PLCB1: variants seen among roughly 807,000 people sequenced by gnomAD.
The protein encoded by PLCB1 is phospholipase C beta 1.
A neutral mutation model predicts 161.8 loss-of-function variants in PLCB1; 46 were observed. The ratio of observed to expected loss-of-function variants is 0.28; its 90% CI spans 0.22 to 0.36. PLCB1 has a LOEUF of 0.36. Ranked by LOEUF, PLCB1 falls within the 10% of genes least tolerant of loss-of-function variation. The pLI is 1.00. For synonymous variants in PLCB1, 517 were observed against 503.7 expected (o/e 1.03, Z -0.35); for missense variants, 1,016 against 1,472.5 (o/e 0.69, Z 5.07).
intron 3 of PLCB1, among the ~76,000 whole-genome samples, chr20:8,559,612 C>T (rs6077378): frequency 0.012 from 1,803 of 151,914 alleles, 24 homozygotes; most frequent in South Asian, 0.045. Flanking sequence ...TTGAAAGTGA[C>T]GGAATGTAAA....
chr20:8,593,391 G>A (rs1987216018), intron 3 of PLCB1, among the ~76,000 whole-genome samples: 1 of 152,012 alleles, frequency 6.6e-6, no homozygotes, highest in Non-Finnish European at 1.5e-5. Context: ...ACAGGGTCTT[G>A]CTCTGTTTCC....
At chr20:8,798,418 A>G (rs916391436) in intron 31 of PLCB1, among the ~76,000 whole-genome samples, 3 of 152,164 alleles carry the variant, frequency 2.0e-5, no homozygotes, top group African/African-American at 2.4e-5. Context: ...GGCTTATGCA[A>G]TTTTGGTGGA....
chr20:8,779,133 A>G (rs1166889226), intron 27 of PLCB1, among the ~76,000 whole-genome samples: 1 of 152,116 alleles, frequency 6.6e-6, no homozygotes, highest in Admixed American at 6.6e-5. Flanking sequence ...TTAAATACCA[A>G]CGTGCTTTGG....
intron 2 of PLCB1, among the ~76,000 whole-genome samples, chr20:8,252,789 G>A (rs1308485856): frequency 6.6e-6 from 1 of 151,888 alleles, no homozygotes; most frequent in Non-Finnish European, 1.5e-5. Context: ...TGTGTATGTA[G>A]GGAACAGCAT....
intron 10 of PLCB1, among the ~76,000 whole-genome samples, chr20:8,687,392 A>C (rs1384873971): frequency 6.6e-6 from 1 of 152,142 alleles, no homozygotes; most frequent in African/African-American, 2.4e-5. Context: ...ATTTGGTTAC[A>C]TGAGTAAGTT....
chr20:8,602,199 A>G (rs1987607911), intron 3 of PLCB1, among the ~76,000 whole-genome samples: 1 of 152,178 alleles, frequency 6.6e-6, no homozygotes, highest in Non-Finnish European at 1.5e-5. Context: ...AGAAGAGTAT[A>G]TGACACCAAC....
At chr20:8,641,223 C>G (rs1358994446) in intron 4 of PLCB1, among the ~76,000 whole-genome samples, 1 of 152,178 alleles carries the variant, frequency 6.6e-6, no homozygotes, top group Non-Finnish European at 1.5e-5. Context: ...TGTTTGTAAA[C>G]TATTCCAGTA....
At position 8,234,400 on chromosome 20, in the gene PLCB1, C is replaced by G. The variant is rs758981621; in HGVS notation, c.177+84029C>G. ...GTATGATTGTCAAATTTGGTTGTTA[C>G]TGGTTAGCTGGGTGCATGAATTTGC... On this transcript the variant is annotated intron_variant, in intron 2 of 31. Coordinates refer to ENST00000338037, the MANE Select transcript of PLCB1 (RefSeq NM_015192.4). 9.9e-5 allele frequency among the ~76,000 whole-genome samples: 15 copies of G among 152,104 alleles called. No homozygotes were observed. In the East Asian group the frequency reaches 2.7e-3, roughly 27 times the overall value.
chr20:8,256,218 C>A (rs555000970), intron 2 of PLCB1, among the ~76,000 whole-genome samples: 1 of 152,168 alleles, frequency 6.6e-6, no homozygotes, highest in East Asian at 1.9e-4. Context: ...ACAACCATCC[C>A]AAACATAGTA....
intron 10 of PLCB1, among the ~76,000 whole-genome samples, chr20:8,692,613 C>G (rs937964528): frequency 6.6e-6 from 1 of 152,166 alleles, no homozygotes; most frequent in African/African-American, 2.4e-5. Context: ...CCTCACACAG[C>G]AAGGCACCCA....
At position 8,327,284 on chromosome 20, in the gene PLCB1, G is replaced by A. The variant is rs1023644589; in HGVS notation, c.178-44098G>A. 5.3e-5 allele frequency among the ~76,000 whole-genome samples: 8 copies of A among 152,092 alleles called. No homozygotes were observed. The East Asian group carries it at 9.6e-4, about 18-fold the overall frequency. On this transcript the variant is annotated intron_variant, in intron 2 of 31. Coordinates refer to ENST00000338037, the MANE Select transcript of PLCB1 (RefSeq NM_015192.4). The stretch of plus-strand genomic sequence containing the variant: ...GTCCAGGCTTCTTTTATGTTGTTCC[G>A]CCATATGCTAAAGTACTTGTATGTC...
At chr20:8,707,770 T>G (rs1356585914) in intron 11 of PLCB1, among the ~76,000 whole-genome samples, 3 of 152,296 alleles carry the variant, frequency 2.0e-5, no homozygotes. Context: ...TTAAATCAAT[T>G]TTAATACCTT....
Position 8,341,644 on chromosome 20 carries a change from G to C in PLCB1, c.178-29738G>C, listed in dbSNP as rs79649581. On this transcript the variant is annotated intron_variant, in intron 2 of 31. Transcript: ENST00000338037. ...AGCAGCTTCCTTCAACCTTTGGCCT[G>C]ACTTTCTACCTCCTTTATATTTTTA... Among the ~76,000 whole-genome samples, 227 of 152,238 alleles carry C rather than the reference G, an allele frequency of 1.5e-3. 1 individual carries two copies. The highest frequency in any genetic ancestry group is 5.4e-3 in the African/African-American group (224 of 41,530).
chr20:8,292,833 T>C (rs1162173049), intron 2 of PLCB1, among the ~76,000 whole-genome samples: 1 of 152,180 alleles, frequency 6.6e-6, no homozygotes, highest in Non-Finnish European at 1.5e-5. Flanking sequence ...TATAACATTA[T>C]TGTGAGCATT....
chr20:8,399,337 T>C (rs1250086658), intron 3 of PLCB1, among the ~76,000 whole-genome samples: 1 of 152,194 alleles, frequency 6.6e-6, no homozygotes, highest in Non-Finnish European at 1.5e-5. Context: ...ACACCACTTA[T>C]TTAAAAGTCT....
rs8122182 is a variant in PLCB1, at chr20:8,844,601, G to A, written c.3424-37021G>A. Among the ~76,000 whole-genome samples the A allele has an allele frequency of 8.7e-3, 1,319 of 152,084 alleles. 23 individuals carry two copies. Among genetic ancestry groups the A allele is most frequent in the African/African-American group, 0.03 (1,229 of 41,498 alleles). Reference sequence around the variant, plus strand: ...TATCAAAAAAAAGGACGGGGGAGGGGAAAGGTGTGGTGCCCTCTTCTTTCC... The same window carrying A: ...TATCAAAAAAAAGGACGGGGGAGGGAAAAGGTGTGGTGCCCTCTTCTTTCC... On this transcript the variant is annotated intron_variant, in intron 31 of 31. Transcript: ENST00000338037.
chr20:8,461,675 C>G (rs183484174), intron 3 of PLCB1, among the ~76,000 whole-genome samples: 1 of 152,192 alleles, frequency 6.6e-6, no homozygotes, highest in Admixed American at 6.5e-5. Flanking sequence ...TAAATAATAA[C>G]ACAAAACTAC....
intron 4 of PLCB1, among the ~76,000 whole-genome samples, chr20:8,629,982 CTTTCTTTCTTTCT>C (rs1988523728): frequency 1.7e-5 from 1 of 58,552 alleles, no homozygotes; most frequent in African/African-American, 9.3e-5. Context: ...TTCTTTCTTT[CTTTCTTTCTTTCT>C]TTCTTTCTTT....
At chr20:8,315,424 C>T (rs908860069) in intron 2 of PLCB1, among the ~76,000 whole-genome samples, 2 of 152,144 alleles carry the variant, frequency 1.3e-5, no homozygotes, top group African/African-American at 4.8e-5. Flanking sequence ...ATCTTGTTAA[C>T]CCTAGTTAAG....
Sources: gnomAD v4.1 joint callset for allele counts (sites outside exome capture counted in the v4.1 genomes callset) on GRCh38, gnomAD v4.1.1 for gene constraint, MANE v1.5 for transcripts, NCBI Gene and HGNC (gene_info 2026-07-23, HGNC 2026-07-21) for gene names.